Variants in TNFSF8 observed in about 807,000 individuals in gnomAD.
The protein encoded by TNFSF8 is tumor necrosis factor ligand superfamily member 8.
TNFSF8 carries 4 observed loss-of-function variants against 22.0 expected under a neutral mutation model. The observed-to-expected ratio is 0.18, with a 90% CI of 0.09 to 0.42. The LOEUF is 0.42. TNFSF8 is among the 10% of genes least tolerant of loss of function. The pLI, the probability that TNFSF8 is intolerant of heterozygous loss-of-function variation, is 1.00. For synonymous variants in TNFSF8, 106 were observed against 112.5 expected (o/e 0.94, Z 0.37); for missense variants, 233 against 281.8 (o/e 0.83, Z 1.24).
Position 114,904,084 on chromosome 9 carries a change from T to C in TNFSF8, c.552A>G (p.Lys184=). 2 of 1,614,158 alleles carry C rather than the reference T, an allele frequency of 1.2e-6. No individual in the cohort carries two copies. Among genetic ancestry groups the C allele is most frequent in the South Asian group, 1.1e-5 (1 of 91,086 alleles). ...VTVCESGMQT[K]HVYQNLSQFL... The stretch of plus-strand genomic sequence containing the variant: ...ATTGAGAGAGATTCTGGTATACGTG[T>C]TTCGTTTGCATTCCAGACTCACACA... Residue 184 remains lysine (K), a synonymous_variant, in exon 4 of 4, where the codon AAA becomes AAG. Coordinates refer to ENST00000223795, the MANE Select transcript of TNFSF8 (RefSeq NM_001244.4).
intron 2 of TNFSF8, among the ~76,000 whole-genome samples, chr9:114,910,644 T>C (rs1327087217): frequency 1.3e-5 from 2 of 152,106 alleles, no homozygotes; most frequent in Admixed American, 6.5e-5. Context: ...GGGTTCCATC[T>C]TGTGGGAGAA....
At position 114,902,692 on chromosome 9, in the gene TNFSF8, T is replaced by C; in HGVS notation, c.*1239A>G. 3.0e-6 allele frequency: 3 copies of C among 985,410 alleles called. No individual in the cohort carries two copies. The highest frequency in any genetic ancestry group is 3.6e-6 in the Non-Finnish European group (3 of 829,922). 61.0% of individuals were successfully genotyped at this position (985,410 alleles called of 1,614,324 possible). A position where few individuals can be genotyped will look rare whatever the true frequency, so the allele number is the denominator to read the frequency against. On this transcript the variant is annotated 3_prime_UTR_variant, in exon 4 of 4. Transcript: ENST00000223795. The stretch of plus-strand genomic sequence containing the variant: ...AATTATATACTGGGGTAGGGGGGCC[T>C]TATTTTGGTTGGAGAGCTTCCAAAA...
At chr9:114,914,926 C>G (rs1040550381) in intron 2 of TNFSF8, among the ~76,000 whole-genome samples, 1 of 152,136 alleles carries the variant, frequency 6.6e-6, no homozygotes, top group Non-Finnish European at 1.5e-5. Flanking sequence ...GAAGTGTATC[C>G]TGTGTTTTTT....
intron 1 of TNFSF8, 114 bp from the exon 2 acceptor site, chr9:114,918,252 C>T (rs954655092): frequency 2.4e-6 from 2 of 818,092 alleles, no homozygotes; most frequent in African/African-American, 3.6e-5. Context: ...ACAATTCATC[C>T]TCCACCTGAA....
chr9:114,922,480 T>C (rs1828001516), intron 1 of TNFSF8, among the ~76,000 whole-genome samples: 1 of 152,324 alleles, frequency 6.6e-6, no homozygotes, highest in South Asian at 2.1e-4. Context: ...GGCCTTTAAC[T>C]TGACCCCAAG....
At chr9:114,911,688 T>A (rs1827853466) in intron 2 of TNFSF8, among the ~76,000 whole-genome samples, 2 of 152,086 alleles carry the variant, frequency 1.3e-5, no homozygotes, top group African/African-American at 4.8e-5. Context: ...TAAATTAAGG[T>A]CAAGTTGGAA....
chr9:114,917,870 T>A lies in TNFSF8; in HGVS notation c.238+226A>T, dbSNP rs147622211. 3.5e-3 allele frequency among the ~76,000 whole-genome samples: 526 copies of A among 152,338 alleles called. 1 individual carries two copies. Among genetic ancestry groups the A allele is most frequent in the African/African-American group, 0.012 (499 of 41,572 alleles). ...ATGCCAGAGGTAGAATTTTCATTAG[T>A]GGGAGTGTCAAGAGCTGGTGGGAGA... On this transcript the variant is annotated intron_variant, in intron 2 of 3. Coordinates refer to ENST00000223795, the MANE Select transcript of TNFSF8 (RefSeq NM_001244.4).
intron 2 of TNFSF8, among the ~76,000 whole-genome samples, chr9:114,917,770 G>A (rs1382759308): frequency 2.0e-5 from 3 of 152,182 alleles, no homozygotes; most frequent in Admixed American, 1.3e-4. Flanking sequence ...GGGAAGTCAA[G>A]CCAAGATTCA....
intron 2 of TNFSF8, among the ~76,000 whole-genome samples, chr9:114,908,635 C>T (rs1466206616): frequency 3.5e-5 from 5 of 143,424 alleles, no homozygotes; most frequent in Non-Finnish European, 1.5e-5. Flanking sequence ...TTCTGAGAAA[C>T]CCGAGGATGG....
At chr9:114,896,042 T>C (rs1248154102) in intron 4 of TNFSF8, among the ~76,000 whole-genome samples, 1 of 152,206 alleles carries the variant, frequency 6.6e-6, no homozygotes, top group African/African-American at 2.4e-5. Flanking sequence ...ACCCTCACAT[T>C]TGCATAAGCA....
Position 114,930,420 on chromosome 9 carries a change from A to T in TNFSF8, c.-117T>A. 1 of 861,122 alleles carries T rather than the reference A, an allele frequency of 1.2e-6. No homozygotes were observed. Among genetic ancestry groups the T allele is most frequent in the Non-Finnish European group, 1.6e-6 (1 of 625,514 alleles). 53.3% of individuals were successfully genotyped at this position (861,122 alleles called of 1,614,324 possible). ...GAATCCTGAATCATGTGACTTGGAA[A>T]AAAACCTTCACCTGCTGCCTGGTGG... On this transcript the variant is annotated 5_prime_UTR_variant, in exon 1 of 4. Transcript: ENST00000223795.
chr9:114,929,514 G>A (rs961796453), intron 1 of TNFSF8, among the ~76,000 whole-genome samples: 3 of 152,060 alleles, frequency 2.0e-5, no homozygotes, highest in African/African-American at 7.2e-5. Flanking sequence ...CTTGGCCTCT[G>A]AAACTTAGCT....
intron 2 of TNFSF8, among the ~76,000 whole-genome samples, chr9:114,907,564 G>A (rs989222308): frequency 2.0e-5 from 3 of 152,140 alleles, no homozygotes; most frequent in Non-Finnish European, 4.4e-5. Flanking sequence ...TGCAGGATCA[G>A]GCCCAAGCTC....
intron 2 of TNFSF8, among the ~76,000 whole-genome samples, chr9:114,913,533 G>A (rs927373): frequency 0.36 from 54,935 of 151,980 alleles, 10,453 homozygotes; most frequent in Admixed American, 0.45. Flanking sequence ...CGCAGGTGCC[G>A]AAGAAGTGAT....
chr9:114,905,920 C>A, intron 2 of TNFSF8, 21 bp from the exon 3 acceptor site: 1 of 1,564,372 alleles, frequency 6.4e-7, no homozygotes, highest in African/African-American at 1.4e-5. Context: ...GGAGACGATG[C>A]ATTAAAATGT....
In TNFSF8 at chr9:114,929,302, A is replaced by G. The variant is rs538410488; in HGVS notation, c.195+807T>C. Among the ~76,000 whole-genome samples the G allele has an allele frequency of 1.4e-4, 21 of 152,022 alleles. No individual in the cohort carries two copies. In the South Asian group the frequency reaches 3.9e-3, roughly 29 times the overall value. ...ACGATTGCTTAGTATTGTGAGGAACATCAGAGAGAACAGGTGCTAAAAACC... is the reference window on the plus strand; with the variant it reads ...ACGATTGCTTAGTATTGTGAGGAACGTCAGAGAGAACAGGTGCTAAAAACC... On this transcript the variant is annotated intron_variant, in intron 1 of 3. Transcript: ENST00000223795.
chr9:114,895,119 G>A (rs1167531037), intron 4 of TNFSF8, among the ~76,000 whole-genome samples: 3 of 152,178 alleles, frequency 2.0e-5, no homozygotes, highest in Non-Finnish European at 4.4e-5. Flanking sequence ...TTGTGAAGGA[G>A]GATCAGCCTT....
chr9:114,930,361 G>A lies in TNFSF8; in HGVS notation c.-58C>T. On this transcript the variant is annotated 5_prime_UTR_variant, in exon 1 of 4. Transcript: ENST00000223795. ...TCTCTCTTCATCTGATTCAGTTCTG[G>A]GCCCATCTCTGTTCCAAGAAGGATT... The A allele has an allele frequency of 7.6e-7, 1 of 1,311,538 alleles. No homozygotes were observed. The highest frequency in any genetic ancestry group is 3.0e-4 in the Middle Eastern group (1 of 3,378). 81.2% of individuals were successfully genotyped at this position (1,311,538 alleles called of 1,614,324 possible).
Position 114,902,057 on chromosome 9 carries a change from T to C in TNFSF8, c.*1874A>G. The C allele has an allele frequency of 1.0e-6, 1 of 985,464 alleles. No individual in the cohort carries two copies. The highest frequency in any genetic ancestry group is 1.2e-6 in the Non-Finnish European group (1 of 829,946). 61.0% of individuals were successfully genotyped at this position (985,464 alleles called of 1,614,324 possible). A position where few individuals can be genotyped will look rare whatever the true frequency, so the allele number is the denominator to read the frequency against. On this transcript the variant is annotated 3_prime_UTR_variant, in exon 4 of 4. Coordinates refer to ENST00000223795, the MANE Select transcript of TNFSF8 (RefSeq NM_001244.4). ...GGTATAGCAGGGAAGCTTCCATCTT[T>C]TTTTACTGAAGCATAACATCAGGGC...
Sources: allele counts gnomAD v4.1 joint callset (sites outside exome capture counted in the v4.1 genomes callset), GRCh38; gene constraint gnomAD v4.1.1; transcripts MANE v1.5; gene names NCBI Gene and HGNC (gene_info 2026-07-23, HGNC 2026-07-21).